IGSF10: variants seen among roughly 807,000 people sequenced by gnomAD.
IGSF10 encodes calvaria mechanical force protein 608.
IGSF10 carries 126 observed loss-of-function variants against 128.2 expected under a neutral mutation model. That is an observed-to-expected ratio of 0.98 (90% CI 0.85 to 1.14). The LOEUF (loss-of-function observed/expected upper bound fraction) is 1.14. Ranked by LOEUF, IGSF10 falls within the 50% of genes most tolerant of loss-of-function variation. The probability of loss-of-function intolerance (pLI) is 0.00; values close to 1 mark genes in which losing one functional copy is unlikely to be tolerated. For missense variants in IGSF10, 3,295 were observed against 3,149.8 expected (o/e 1.05, Z -1.10); for synonymous variants, 1,185 against 1,146.2 (o/e 1.03, Z -0.68).
At chr3:151,619,624 A>C in the IGSF10 span, among the ~76,000 whole-genome samples, 2 of 152,158 alleles carry the variant, frequency 1.3e-5, no homozygotes, top group African/African-American at 2.4e-5. Context: ...TATAAAAATA[A>C]GTGGGTATGT....
At chr3:151,557,960 G>T in the IGSF10 span, among the ~76,000 whole-genome samples, 3 of 62,436 alleles carry the variant, frequency 4.8e-5, no homozygotes, top group Non-Finnish European at 1.0e-4. Flanking sequence ...ATGCCTTGCT[G>T]CTTAATCAAT....
chr3:151,452,550 CTGT>C (rs1721558688), intron 5 of IGSF10, among the ~76,000 whole-genome samples: 1 of 152,122 alleles, frequency 6.6e-6, no homozygotes, highest in Non-Finnish European at 1.5e-5. Context: ...TATATGCCAT[CTGT>C]TGTTGACTGA....
chr3:151,584,422 TTA>T, the IGSF10 span, among the ~76,000 whole-genome samples: 12 of 152,204 alleles, frequency 7.9e-5, no homozygotes, highest in Non-Finnish European at 1.8e-4. Context: ...GCTGATTTAT[TTA>T]GGTTTATGCT....
At chr3:151,505,900 G>T in the IGSF10 span, among the ~76,000 whole-genome samples, 2 of 152,008 alleles carry the variant, frequency 1.3e-5, no homozygotes, top group African/African-American at 4.8e-5. Context: ...CCTAGATAAG[G>T]TGTTTATATA....
chr3:151,470,431 G>GAT, the IGSF10 span, among the ~76,000 whole-genome samples: 1 of 152,130 alleles, frequency 6.6e-6, no homozygotes. Context: ...GGACTTGCAG[G>GAT]ATGTTGCAGA....
chr3:151,461,965 G>A (rs1289637412), upstream of IGSF10, among the ~76,000 whole-genome samples: 1 of 152,054 alleles, frequency 6.6e-6, no homozygotes, highest in African/African-American at 2.4e-5. Context: ...TGTCTCAGAG[G>A]AATTCTTTTA....
At chr3:151,617,320 C>CTTCTTCTCCTCCTCCT in the IGSF10 span, among the ~76,000 whole-genome samples, 38 of 83,622 alleles carry the variant, frequency 4.5e-4, 3 homozygotes, top group African/African-American at 1.8e-3. Flanking sequence ...CTTCTTCTTC[C>CTTCTTCTCCTCCTCCT]CCTCCTCCTC....
the IGSF10 span, among the ~76,000 whole-genome samples, chr3:151,544,282 AG>A: frequency 6.6e-6 from 1 of 152,178 alleles, no homozygotes; most frequent in Non-Finnish European, 1.5e-5. Context: ...AACATTCTGC[AG>A]GGGCCCTCTG....
At chr3:151,483,961 C>T in the IGSF10 span, among the ~76,000 whole-genome samples, 1 of 152,200 alleles carries the variant, frequency 6.6e-6, no homozygotes, top group Admixed American at 6.5e-5. Context: ...GAACTGTTCA[C>T]TCCCCTGGAA....
chr3:151,506,895 T>A, the IGSF10 span, among the ~76,000 whole-genome samples: 2 of 152,222 alleles, frequency 1.3e-5, no homozygotes. Context: ...CTTCTATGTA[T>A]TTGTATCCCT....
rs1415539958 is a variant in IGSF10 at position 151,448,636 on chromosome 3, G to C, written c.1345C>G (p.Gln449Glu). The C allele has an allele frequency of 1.9e-6, 3 of 1,614,068 alleles. No individual in the cohort carries two copies. The highest frequency in any genetic ancestry group is 3.3e-5 in the Admixed American group (2 of 60,032). ...TGAGCATCACTGGAGTACTGGATCTGTAATGTACTGAATGTGGTGGCAGTT... is the reference window on the plus strand; with the variant it reads ...TGAGCATCACTGGAGTACTGGATCTCTAATGTACTGAATGTGGTGGCAGTT... ...NRTATTFSTL[Q>E]IQYSSDAQIT... is the part of the protein sequence containing the mutation. Residue 449 changes from glutamine to glutamate, a missense_variant, in exon 6 of 8, where the codon CAG (glutamine) becomes GAG (glutamate). Physicochemically the swap from Gln to Glu is conservative, Grantham distance 29 (BLOSUM62 2). Transcript: ENST00000282466.
the IGSF10 span, among the ~76,000 whole-genome samples, chr3:151,479,677 C>T: frequency 1.3e-5 from 2 of 152,160 alleles, no homozygotes; most frequent in African/African-American, 4.8e-5. Flanking sequence ...AGAGTGTTTA[C>T]TGGAATCTGA....
At chr3:151,483,388 T>G in the IGSF10 span, among the ~76,000 whole-genome samples, 1 of 152,216 alleles carries the variant, frequency 6.6e-6, no homozygotes. Flanking sequence ...AAATATTTTA[T>G]GTAAGCTTCA....
At chr3:151,617,124 TTTC>T in the IGSF10 span, among the ~76,000 whole-genome samples, 9 of 152,228 alleles carry the variant, frequency 5.9e-5, no homozygotes, top group South Asian at 1.9e-3. Context: ...TTGATACTAC[TTTC>T]TTCTTCTCCT....
chr3:151,514,576 A>C, the IGSF10 span, among the ~76,000 whole-genome samples: 1 of 152,238 alleles, frequency 6.6e-6, no homozygotes, highest in Non-Finnish European at 1.5e-5. Context: ...TCATGTCTAA[A>C]ACACCAAAAG....
chr3:151,459,129 A>T (rs1184643448), intron 2 of IGSF10, among the ~76,000 whole-genome samples: 2 of 152,244 alleles, frequency 1.3e-5, no homozygotes, highest in African/African-American at 4.8e-5. Context: ...GTGCATAATA[A>T]AACATTTGGA....
At chr3:151,550,814 T>C in the IGSF10 span, among the ~76,000 whole-genome samples, 561 of 152,312 alleles carry the variant, frequency 3.7e-3, 4 homozygotes, top group Admixed American at 5.8e-3. Flanking sequence ...CATTTCTTGC[T>C]GTCTGTTGGC....
At chr3:151,515,366 G>C in the IGSF10 span, among the ~76,000 whole-genome samples, 1 of 150,082 alleles carries the variant, frequency 6.7e-6, no homozygotes, top group Middle Eastern at 3.4e-3. Context: ...ACTATCGCAA[G>C]GACAGAAAAA....
chr3:151,461,457 CT>C, upstream of IGSF10: 2 of 978,908 alleles, frequency 2.0e-6, no homozygotes, highest in Non-Finnish European at 2.4e-6. Flanking sequence ...ATTTAAACCC[CT>C]CTTTTAAAAA....
Sources: allele counts gnomAD v4.1 joint callset (sites outside exome capture counted in the v4.1 genomes callset), GRCh38; gene constraint gnomAD v4.1.1; transcripts MANE v1.5; gene names NCBI Gene and HGNC (gene_info 2026-07-23, HGNC 2026-07-21).